The following PTPRN2 variants were observed in gnomAD, a reference collection of about 807,000 sequenced individuals.
PTPRN2 encodes the protein receptor-type tyrosine-protein phosphatase N2.
A neutral mutation model predicts 118.8 loss-of-function variants in PTPRN2; 74 were observed. The ratio of observed to expected loss-of-function variants is 0.62; its 90% confidence interval spans 0.52 to 0.76. PTPRN2 has a LOEUF of 0.76. PTPRN2 is among the 30% of genes least tolerant of loss of function. PTPRN2 has a pLI of 0.00. For missense variants in PTPRN2, 1,481 were observed against 1,394.4 expected (o/e 1.06, Z -0.99); for synonymous variants, 641 against 608.0 (o/e 1.05, Z -0.80).
rs149140902 is a variant in PTPRN2 at position 158,005,664 on chromosome 7, G to A, written c.1723+75634C>T. ...GAGGTGCAGGGCAGGAAGCATCTGCGGTGAGGCCTCTGGTCAGTCACTGCA... is the reference window on the plus strand; with the variant it reads ...GAGGTGCAGGGCAGGAAGCATCTGCAGTGAGGCCTCTGGTCAGTCACTGCA... On this transcript the variant is annotated intron_variant, in intron 11 of 22. Coordinates refer to ENST00000389418, the MANE Select transcript of PTPRN2 (RefSeq NM_002847.5). Among the ~76,000 whole-genome samples the A allele has an allele frequency of 6.2e-3, 941 of 152,288 alleles. 11 individuals carry two copies. The highest frequency in any genetic ancestry group is 0.02 in the African/African-American group (815 of 41,560).
chr7:158,281,594 G>A (rs1421175023), intron 3 of PTPRN2, among the ~76,000 whole-genome samples: 2 of 152,220 alleles, frequency 1.3e-5, no homozygotes, highest in Non-Finnish European at 2.9e-5. Context: ...GGTGTGCGTG[G>A]TGCCCTGCGC....
chr7:158,052,945 G>A (rs1392817253), intron 11 of PTPRN2, among the ~76,000 whole-genome samples: 6 of 152,254 alleles, frequency 3.9e-5, no homozygotes, highest in Non-Finnish European at 7.4e-5. Flanking sequence ...GCCCTTCTGC[G>A]AACTGCACCT....
chr7:158,279,075 A>C (rs1799234538), intron 3 of PTPRN2, among the ~76,000 whole-genome samples: 1 of 152,200 alleles, frequency 6.6e-6, no homozygotes, highest in Admixed American at 6.5e-5. Context: ...GCAAAAAAAC[A>C]AACCCTCCAC....
chr7:158,246,102 G>T (rs1796229470), intron 3 of PTPRN2, among the ~76,000 whole-genome samples: 1 of 149,824 alleles, frequency 6.7e-6, no homozygotes, highest in Non-Finnish European at 1.5e-5. Flanking sequence ...CATTAAAAAT[G>T]AATATTCTGG....
intron 13 of PTPRN2, among the ~76,000 whole-genome samples, chr7:157,675,054 C>G (rs1326827403): frequency 6.6e-6 from 1 of 152,236 alleles, no homozygotes; most frequent in Non-Finnish European, 1.5e-5. Context: ...CTCCTACCTC[C>G]TGGTACCCGC....
chr7:157,687,808 C>T (rs1403000395), intron 12 of PTPRN2, among the ~76,000 whole-genome samples: 1 of 152,184 alleles, frequency 6.6e-6, no homozygotes, highest in Non-Finnish European at 1.5e-5. Flanking sequence ...AACTTGAAAA[C>T]ACGGGGGAAG....
chr7:158,521,254 T>C (rs142284409), intron 1 of PTPRN2, among the ~76,000 whole-genome samples: 12 of 152,354 alleles, frequency 7.9e-5, no homozygotes, highest in African/African-American at 2.9e-4. Flanking sequence ...CAGGGCTGGC[T>C]GTATTCTTGC....
At chr7:158,122,697 G>C (rs935324414) in intron 9 of PTPRN2, among the ~76,000 whole-genome samples, 1 of 152,160 alleles carries the variant, frequency 6.6e-6, no homozygotes, top group East Asian at 1.9e-4. Flanking sequence ...GAGAAACCGA[G>C]GCTAGAGAAA....
chr7:158,301,761 C>A (rs951283528), intron 3 of PTPRN2, among the ~76,000 whole-genome samples: 1 of 152,160 alleles, frequency 6.6e-6, no homozygotes, highest in Non-Finnish European at 1.5e-5. Context: ...CCAGCCTGGG[C>A]AACATGGCAA....
intron 12 of PTPRN2, among the ~76,000 whole-genome samples, chr7:157,689,110 T>C (rs542001945): frequency 6.6e-6 from 1 of 152,048 alleles, no homozygotes; most frequent in Non-Finnish European, 1.5e-5. Context: ...ACCGCCGCCG[T>C]CTTCTCTGGA....
intron 17 of PTPRN2, among the ~76,000 whole-genome samples, chr7:157,594,305 T>C (rs1379521886): frequency 6.6e-6 from 1 of 152,130 alleles, no homozygotes; most frequent in East Asian, 1.9e-4. Context: ...AGAAGTGAAT[T>C]TACCAACTCC....
chr7:158,483,387 C>G, intron 2 of PTPRN2, among the ~76,000 whole-genome samples: 1 of 152,224 alleles, frequency 6.6e-6, no homozygotes, highest in Non-Finnish European at 1.5e-5. Flanking sequence ...TAATTTCCCA[C>G]TGATAGCCTT....
intron 5 of PTPRN2, among the ~76,000 whole-genome samples, chr7:158,169,343 T>C (rs1823315172): frequency 6.6e-6 from 1 of 151,784 alleles, no homozygotes; most frequent in Non-Finnish European, 1.5e-5. Flanking sequence ...CCTTGGTTCA[T>C]GCAGTTCTTA....
intron 2 of PTPRN2, among the ~76,000 whole-genome samples, chr7:158,383,507 C>G (rs1031285565): frequency 6.6e-6 from 1 of 152,186 alleles, no homozygotes; most frequent in Non-Finnish European, 1.5e-5. Context: ...ATGGAATGCC[C>G]TTTCAATTTT....
chr7:158,392,420 GC>G (rs1487190324), intron 2 of PTPRN2, among the ~76,000 whole-genome samples: 1 of 152,332 alleles, frequency 6.6e-6, no homozygotes, highest in South Asian at 2.1e-4. Flanking sequence ...CGAGGAGAGG[GC>G]GGCGGGGATC....
intron 12 of PTPRN2, among the ~76,000 whole-genome samples, chr7:157,811,037 C>CAAGGCAGGCGGATCACG (rs912663201): frequency 2.6e-5 from 4 of 151,986 alleles, no homozygotes; most frequent in African/African-American, 9.6e-5. Context: ...TTTGGGAGGC[C>CAAGGCAGGCGGATCACG]AAGGCAGGCG....
At chr7:157,684,260 G>T (rs1210056883) in intron 12 of PTPRN2, among the ~76,000 whole-genome samples, 1 of 151,942 alleles carries the variant, frequency 6.6e-6, no homozygotes, top group Admixed American at 6.6e-5. Flanking sequence ...GAGAAAAGAC[G>T]CCCGGATTTT....
At chr7:157,762,071 A>G (rs1000184194) in intron 12 of PTPRN2, among the ~76,000 whole-genome samples, 3 of 151,992 alleles carry the variant, frequency 2.0e-5, no homozygotes, top group Non-Finnish European at 2.9e-5. Flanking sequence ...TTAGAATGGC[A>G]ATCATTAAAA....
At chr7:158,005,052 G>A (rs1805544583) in intron 11 of PTPRN2, among the ~76,000 whole-genome samples, 1 of 151,148 alleles carries the variant, frequency 6.6e-6, no homozygotes, top group South Asian at 2.1e-4. Flanking sequence ...TGAAGTACCT[G>A]CGGTCTGAGC....
Sources: allele counts gnomAD v4.1 joint callset (sites outside exome capture counted in the v4.1 genomes callset), GRCh38; gene constraint gnomAD v4.1.1; transcripts MANE v1.5; gene names NCBI Gene and HGNC (gene_info 2026-07-23, HGNC 2026-07-21).